The following NR6A1 variants were observed in gnomAD, a reference collection of about 807,000 sequenced individuals.
NR6A1 encodes nuclear receptor subfamily 6 group A member 1.
NR6A1 carries 7 observed loss-of-function variants against 59.1 expected under a neutral mutation model. That is an observed-to-expected ratio of 0.12 (90% CI 0.07 to 0.22). NR6A1 has a LOEUF of 0.22. Ranked by LOEUF, NR6A1 falls within the 10% of genes least tolerant of loss-of-function variation. NR6A1 has a pLI of 1.00. For missense variants in NR6A1, 468 were observed against 611.6 expected, an observed-to-expected ratio of 0.77 and a Z score of 2.48; for synonymous variants, 243 against 236.1, an observed-to-expected ratio of 1.03 and a Z score of -0.27.
At chr9:124,769,081 G>T (rs1841026503) in intron 1 of NR6A1, among the ~76,000 whole-genome samples, 1 of 152,078 alleles carries the variant, frequency 6.6e-6, no homozygotes, top group Non-Finnish European at 1.5e-5. Context: ...AGGCATTAAA[G>T]AAATCCTTTG....
intron 2 of NR6A1, among the ~76,000 whole-genome samples, chr9:124,632,036 G>A (rs1173256170): frequency 6.6e-6 from 1 of 152,164 alleles, no homozygotes; most frequent in African/African-American, 2.4e-5. Context: ...ATTCCATGAT[G>A]TATATGTACA....
At chr9:124,553,637 G>A (rs1207568440) in intron 3 of NR6A1, among the ~76,000 whole-genome samples, 1 of 135,146 alleles carries the variant, frequency 7.4e-6, no homozygotes, top group Non-Finnish European at 1.5e-5. Context: ...AACTTCTGGT[G>A]CTGCTCAATA....
intron 7 of NR6A1, among the ~76,000 whole-genome samples, chr9:124,531,526 G>A (rs547818071): frequency 6.6e-6 from 1 of 152,306 alleles, no homozygotes; most frequent in East Asian, 1.9e-4. Context: ...CAAGGTAGGA[G>A]AGTGCTATGG....
At chr9:124,748,821 C>T (rs1265659353) in intron 1 of NR6A1, among the ~76,000 whole-genome samples, 2 of 149,330 alleles carry the variant, frequency 1.3e-5, no homozygotes, top group East Asian at 2.0e-4. Flanking sequence ...GCTGAGATCG[C>T]GCCACTGCAC....
At chr9:124,639,909 A>G (rs151137471) in intron 2 of NR6A1, among the ~76,000 whole-genome samples, 1,683 of 152,278 alleles carry the variant, frequency 0.011, 30 homozygotes, top group African/African-American at 0.039. Context: ...CAACATTAGA[A>G]CATTTTTCAC....
intron 2 of NR6A1, among the ~76,000 whole-genome samples, chr9:124,645,511 G>C (rs1015454658): frequency 1.3e-5 from 2 of 152,190 alleles, no homozygotes; most frequent in Non-Finnish European, 2.9e-5. Flanking sequence ...ATTTCAGACA[G>C]AGCAGACTTT....
intron 2 of NR6A1, among the ~76,000 whole-genome samples, chr9:124,607,745 T>C (rs1172123832): frequency 6.6e-6 from 1 of 152,150 alleles, no homozygotes; most frequent in East Asian, 1.9e-4. Context: ...GAATAATGTT[T>C]TTCATGAAAT....
chr9:124,567,166 T>C (rs1834280740), intron 2 of NR6A1, among the ~76,000 whole-genome samples: 1 of 151,582 alleles, frequency 6.6e-6, no homozygotes, highest in Non-Finnish European at 1.5e-5. Flanking sequence ...AGTGGGAATA[T>C]TCTAAAGGCA....
At chr9:124,741,524 C>T (rs1477162548) in intron 1 of NR6A1, among the ~76,000 whole-genome samples, 1 of 152,186 alleles carries the variant, frequency 6.6e-6, no homozygotes, top group South Asian at 2.1e-4. Flanking sequence ...ACAAAAATAA[C>T]TGTAGAGCCT....
chr9:124,745,585 C>T (rs535590509), intron 1 of NR6A1, among the ~76,000 whole-genome samples: 5 of 150,954 alleles, frequency 3.3e-5, no homozygotes, highest in African/African-American at 1.2e-4. Context: ...GCAGGAGAAT[C>T]GCTTGAACCC....
rs566801449 is a variant in NR6A1 at position 124,585,777 on chromosome 9, T to C, written c.143-31207A>G. Among the ~76,000 whole-genome samples the C allele has an allele frequency of 2.6e-5, 4 of 152,278 alleles. No homozygotes were observed. In the South Asian group the frequency reaches 6.2e-4, roughly 24 times the overall value. The stretch of plus-strand genomic sequence containing the variant: ...GGCTGACTCTCTTGCTAGAAGCTAA[T>C]GCAGCTGGTGACTTTAAGTTGATGC... On this transcript the variant is annotated intron_variant, in intron 2 of 9. Transcript: ENST00000487099.
At chr9:124,649,863 T>A (rs1837047365) in intron 2 of NR6A1, among the ~76,000 whole-genome samples, 1 of 152,154 alleles carries the variant, frequency 6.6e-6, no homozygotes, top group African/African-American at 2.4e-5. Context: ...TCAACATCAT[T>A]AATCATTGAA....
chr9:124,546,387 C>T (rs1833601852), intron 3 of NR6A1, among the ~76,000 whole-genome samples: 1 of 152,176 alleles, frequency 6.6e-6, no homozygotes, highest in South Asian at 2.1e-4. Flanking sequence ...TGTATGCATC[C>T]TAGTGGAGAA....
intron 1 of NR6A1, among the ~76,000 whole-genome samples, chr9:124,741,313 G>A (rs532711465): frequency 1.3e-5 from 2 of 152,200 alleles, no homozygotes; most frequent in East Asian, 1.9e-4. Context: ...ATATGGAAAT[G>A]TTTAGGCCAG....
intron 1 of NR6A1, among the ~76,000 whole-genome samples, chr9:124,760,983 A>G (rs1481124446): frequency 6.6e-6 from 1 of 152,216 alleles, no homozygotes; most frequent in Non-Finnish European, 1.5e-5. Flanking sequence ...TTATCCTGCT[A>G]AAAAGGCATC....
rs985800312 is a variant in NR6A1 at position 124,520,081 on chromosome 9, A to G, written c.*2624T>C. 1.3e-5 allele frequency: 2 copies of G among 151,972 alleles called. No individual in the cohort carries two copies. Among genetic ancestry groups the G allele is most frequent in the Non-Finnish European group, 2.9e-5 (2 of 68,018 alleles). 9.4% of individuals were successfully genotyped at this position (151,972 alleles called of 1,614,324 possible). On this transcript the variant is annotated 3_prime_UTR_variant, in exon 10 of 10. Coordinates refer to ENST00000487099, the MANE Select transcript of NR6A1 (RefSeq NM_033334.4). ...TTATGGGGAAGAAAGCAAAAAACAA[A>G]CACACCAAACCTCCCCTCCAACCTT...
chr9:124,698,390 T>C (rs756109413), intron 2 of NR6A1: 8 of 152,240 alleles, frequency 5.3e-5, no homozygotes, highest in Non-Finnish European at 8.8e-5. Flanking sequence ...AAAGGCGAAC[T>C]GTCCTGTGGA....
chr9:124,577,659 C>T (rs944759682), intron 2 of NR6A1, among the ~76,000 whole-genome samples: 4 of 152,180 alleles, frequency 2.6e-5, no homozygotes, highest in Non-Finnish European at 5.9e-5. Context: ...CATTTCATTT[C>T]GCCTTTAAAT....
intron 3 of NR6A1, among the ~76,000 whole-genome samples, chr9:124,551,627 T>C (rs1336368346): frequency 5.3e-5 from 8 of 152,258 alleles, no homozygotes; most frequent in Admixed American, 5.2e-4. Flanking sequence ...AGCTCCTTTT[T>C]TCTCCAACCC....
Sources: gnomAD v4.1 joint callset for allele counts (sites outside exome capture counted in the v4.1 genomes callset) on GRCh38, gnomAD v4.1.1 for gene constraint, MANE v1.5 for transcripts, NCBI Gene and HGNC (gene_info 2026-07-23, HGNC 2026-07-21) for gene names.